Variants in FRAS1 observed in about 807,000 individuals in gnomAD.
The protein encoded by FRAS1 is extracellular matrix organizing protein FRAS1.
A neutral mutation model predicts 435.2 loss-of-function variants in FRAS1; 290 were observed. That is an observed-to-expected ratio of 0.67 (90% CI 0.61 to 0.73). The LOEUF (loss-of-function observed/expected upper bound fraction) is 0.73. Ranked by LOEUF, FRAS1 falls within the 30% of genes least tolerant of loss-of-function variation. FRAS1 has a pLI of 0.00. For missense variants in FRAS1, 4,860 were observed against 5,001.5 expected (o/e 0.97, Z 0.85); for synonymous variants, 1,800 against 1,851.0 (o/e 0.97, Z 0.71).
At chr4:78,467,702 G>A in intron 50 of FRAS1, among the ~76,000 whole-genome samples, 1 of 152,016 alleles carries the variant, frequency 6.6e-6, no homozygotes, top group East Asian at 1.9e-4. Flanking sequence ...AGTGTATGAG[G>A]GTTCCCTTTT....
intron 2 of FRAS1, among the ~76,000 whole-genome samples, chr4:78,139,241 C>CA (rs1720056011): frequency 6.6e-6 from 1 of 152,070 alleles, no homozygotes; most frequent in African/African-American, 2.4e-5. Context: ...GGAACAGGAC[C>CA]TTGGGATGTG....
chr4:78,403,144 A>G (rs1309602799), intron 30 of FRAS1, among the ~76,000 whole-genome samples: 1 of 152,202 alleles, frequency 6.6e-6, no homozygotes, highest in African/African-American at 2.4e-5. Context: ...CTAAAAATCT[A>G]TGACTCTTTT....
rs982913944 is a variant in FRAS1, at chr4:78,412,301, T to C, written c.4309-668T>C. On this transcript the variant is annotated intron_variant, in intron 31 of 73. Transcript: ENST00000512123. ...ATGTCACACATGGCTTAGCAAACAA[T>C]GGAGAGAAAGAAGGTTTAAGAGGGT... Among the ~76,000 whole-genome samples, 5 of 152,088 alleles carry C rather than the reference T, an allele frequency of 3.3e-5. No homozygotes were observed. In the East Asian group the frequency reaches 7.7e-4, roughly 23 times the overall value.
At chr4:78,229,711 TAAA>T (rs10599067) in intron 2 of FRAS1, among the ~76,000 whole-genome samples, 2 of 148,390 alleles carry the variant, frequency 1.3e-5, no homozygotes, top group African/African-American at 4.9e-5. Context: ...CAGCACAGAA[TAAA>T]AAAAAAAAAA....
intron 20 of FRAS1, among the ~76,000 whole-genome samples, chr4:78,357,466 G>A (rs1485377322): frequency 6.6e-6 from 1 of 152,112 alleles, no homozygotes; most frequent in Non-Finnish European, 1.5e-5. Context: ...TCCATAAGAG[G>A]GGCAGGCAGG....
intron 50 of FRAS1, among the ~76,000 whole-genome samples, chr4:78,469,314 A>G (rs762325963): frequency 3.3e-5 from 5 of 152,146 alleles, no homozygotes; most frequent in African/African-American, 4.8e-5. Flanking sequence ...TGCTAGATCC[A>G]ATTTATGATG....
At chr4:78,274,293 G>GT (rs376434589) in intron 9 of FRAS1, among the ~76,000 whole-genome samples, 10 of 152,002 alleles carry the variant, frequency 6.6e-5, no homozygotes, top group African/African-American at 1.7e-4. Flanking sequence ...TTTTTGAAGG[G>GT]TTTTTTGTGT....
In FRAS1 at chr4:78,521,540, G is replaced by T. The variant is rs375021853; in HGVS notation, c.10558G>T (p.Val3520Leu). The change falls in exon 68 of 74, where the codon GTG becomes TTG. Residue 3520 changes from valine (V) to leucine (L), a missense_variant. Coordinates refer to ENST00000512123, the MANE Select transcript of FRAS1 (RefSeq NM_025074.7). Reference sequence around the variant, plus strand: ...CTGCCCAGGAATCCAGACAGACAGCGTGCTCTCTGCAAGGCTTCAGATAAT... The same window carrying T: ...CTGCCCAGGAATCCAGACAGACAGCTTGCTCTCTGCAAGGCTTCAGATAAT... ...LWRTGIQTDSVLSARLQIIRI... is the reference protein window; with the variant it reads ...LWRTGIQTDSLLSARLQIIRI... 1.4e-5 allele frequency: 22 copies of T among 1,609,326 alleles called. No homozygotes were observed. The highest frequency in any genetic ancestry group is 1.9e-5 in the Non-Finnish European group (22 of 1,177,776).
intron 47 of FRAS1, among the ~76,000 whole-genome samples, chr4:78,461,612 C>A (rs1021334934): frequency 1.1e-4 from 16 of 152,290 alleles, no homozygotes; most frequent in East Asian, 7.7e-4. Context: ...GAAAGTCGCA[C>A]TAAGATCAAG....
chr4:78,061,996 A>G (rs1464328071), intron 1 of FRAS1, among the ~76,000 whole-genome samples: 1 of 151,688 alleles, frequency 6.6e-6, no homozygotes, highest in African/African-American at 2.4e-5. Flanking sequence ...GTTGTTGTGG[A>G]CTCTTATTTT....
At chr4:78,182,030 T>C in intron 2 of FRAS1, 1 of 1,525,478 alleles carries the variant, frequency 6.6e-7, no homozygotes, top group Non-Finnish European at 8.8e-7. Context: ...GAAGCCTTCC[T>C]GTAAGTGCCC....
chr4:78,252,466 A>C lies in FRAS1; in HGVS notation c.384A>C (p.Gln128His), dbSNP rs566690413. 2.5e-6 allele frequency: 4 copies of C among 1,613,590 alleles called. No homozygotes were observed. The African/African-American group carries it at 5.3e-5, about 22-fold the overall frequency. Residue 128 changes from glutamine to histidine, a missense_variant, in exon 5 of 74, where the codon CAA becomes CAC. Physicochemically the swap from Gln to His is conservative, Grantham distance 24. Transcript: ENST00000512123. ...CNHGEVRCTP[Q>H]PCPPLSCGHQ... is the part of the protein sequence containing the mutation. ...ATGGGGAAGTCCGATGTACCCCCCAACCATGCCCACCGCTGTCATGTGGAC... is the reference window on the plus strand; with the variant it reads ...ATGGGGAAGTCCGATGTACCCCCCACCCATGCCCACCGCTGTCATGTGGAC...
chr4:78,473,339 T>C, intron 52 of FRAS1, 99 bp from the exon 53 acceptor site: 1 of 908,828 alleles, frequency 1.1e-6, no homozygotes, highest in South Asian at 2.0e-5. Context: ...GTTTTGTCTG[T>C]AATACATTAG....
intron 14 of FRAS1, among the ~76,000 whole-genome samples, chr4:78,292,425 G>C (rs1222888447): frequency 6.6e-6 from 1 of 152,168 alleles, no homozygotes; most frequent in African/African-American, 2.4e-5. Context: ...TTTACAACTA[G>C]GATGTTGACC....
chr4:78,141,217 G>A (rs1027986994), intron 2 of FRAS1, among the ~76,000 whole-genome samples: 23 of 151,958 alleles, frequency 1.5e-4, no homozygotes, highest in Admixed American at 1.1e-3. Flanking sequence ...CCTGACAGGC[G>A]CCAGTGTGTG....
At chr4:78,236,012 G>A (rs914008589) in intron 2 of FRAS1, among the ~76,000 whole-genome samples, 5 of 152,186 alleles carry the variant, frequency 3.3e-5, no homozygotes, top group Non-Finnish European at 7.3e-5. Context: ...GAGGGATAGT[G>A]AAGAGCTATA....
chr4:78,220,545 A>G (rs971368194), intron 2 of FRAS1, among the ~76,000 whole-genome samples: 7 of 152,242 alleles, frequency 4.6e-5, no homozygotes, highest in Non-Finnish European at 1.0e-4. Flanking sequence ...TACTATGAGT[A>G]TAGCTACAGT....
intron 18 of FRAS1, among the ~76,000 whole-genome samples, chr4:78,326,543 A>C (rs1393599134): frequency 6.6e-6 from 1 of 152,206 alleles, no homozygotes; most frequent in Non-Finnish European, 1.5e-5. Context: ...AAGTAGATGC[A>C]GAGTAGTATT....
chr4:78,128,458 G>A (rs1011522617), intron 2 of FRAS1, among the ~76,000 whole-genome samples: 4 of 152,232 alleles, frequency 2.6e-5, no homozygotes, highest in Non-Finnish European at 5.9e-5. Context: ...ACTGGTGTGA[G>A]ATGGTATCTC....
Sources: allele counts gnomAD v4.1 joint callset (sites outside exome capture counted in the v4.1 genomes callset), GRCh38; gene constraint gnomAD v4.1.1; transcripts MANE v1.5; gene names NCBI Gene and HGNC (gene_info 2026-07-23, HGNC 2026-07-21).